NKD1: variants seen among roughly 807,000 people sequenced by gnomAD.
The protein encoded by NKD1 is NKD inhibitor of Wnt signaling pathway 1, also known as protein naked cuticle homolog 1.
Under a neutral mutation model 56.0 loss-of-function variants are expected in NKD1, and 21 were observed. That is an observed-to-expected ratio of 0.38 (90% CI 0.27 to 0.54). NKD1 has a LOEUF of 0.54. Among genes scored for constraint, NKD1 ranks in the 20% least tolerant of loss-of-function variants. NKD1 has a pLI of 0.82. For missense variants in NKD1, 578 were observed against 642.7 expected (o/e 0.90, Z 1.09); for synonymous variants, 263 against 265.7 (o/e 0.99, Z 0.10).
chr16:50,608,835 C>G (rs1249360234), intron 4 of NKD1, among the ~76,000 whole-genome samples: 1 of 152,168 alleles, frequency 6.6e-6, no homozygotes. Context: ...TGTTGTCCTT[C>G]TTCCTTTCTT....
In NKD1 at chr16:50,647,338, G is replaced by A. The variant is rs982508310; in HGVS notation, c.*13557G>A. 2 of 152,266 alleles carry A rather than the reference G, an allele frequency of 1.3e-5. No homozygotes were observed. Among genetic ancestry groups the A allele is most frequent in the African/African-American group, 2.4e-5 (1 of 41,464 alleles). The allele number at this position is 152,266 out of a possible 1,614,324, so 9.4% of individuals were successfully genotyped here. A position where few individuals can be genotyped will look rare whatever the true frequency, so the allele number is the denominator to read the frequency against. On this transcript the variant is annotated 3_prime_UTR_variant, in exon 10 of 10. Coordinates refer to ENST00000268459, the MANE Select transcript of NKD1 (RefSeq NM_033119.5). ...TCATGGTAGTGGCCATCTTGCTACA[G>A]CCTGAGGACCACAGAGCACACACAG...
chr16:50,571,047 A>G, intron 3 of NKD1: 10 of 965,616 alleles, frequency 1.0e-5, no homozygotes, highest in Non-Finnish European at 1.2e-5. Context: ...GCTGTGCTGG[A>G]CATCTCCTCC....
rs9926095 is a variant in NKD1, at chr16:50,645,404, A to T, written c.*11623A>T. The T allele has an allele frequency of 6.6e-6, 1 of 152,344 alleles. No homozygotes were observed. Among genetic ancestry groups the T allele is most frequent in the East Asian group, 1.9e-4 (1 of 5,184 alleles). The allele number at this position is 152,344 out of a possible 1,614,324, so 9.4% of individuals were successfully genotyped here. A position where few individuals can be genotyped will look rare whatever the true frequency, so the allele number is the denominator to read the frequency against. ...AGCCAGGTGGAAAGTTAGAGGGAGCAGCTGGTACAAGGGCCTCAAGGGTGG... is the reference window on the plus strand; with the variant it reads ...AGCCAGGTGGAAAGTTAGAGGGAGCTGCTGGTACAAGGGCCTCAAGGGTGG... On this transcript the variant is annotated 3_prime_UTR_variant, in exon 10 of 10. Transcript: ENST00000268459.
chr16:50,624,706 C>A (rs963257490), intron 5 of NKD1, among the ~76,000 whole-genome samples: 4 of 152,160 alleles, frequency 2.6e-5, no homozygotes, highest in Non-Finnish European at 5.9e-5. Flanking sequence ...CTCCTAGGAG[C>A]CATGTAGCAT....
chr16:50,605,825 T>C (rs1231878848), intron 3 of NKD1, among the ~76,000 whole-genome samples: 1 of 152,206 alleles, frequency 6.6e-6, no homozygotes, highest in Non-Finnish European at 1.5e-5. Flanking sequence ...GCCTGACACA[T>C]GGAAAATGCA....
At chr16:50,570,134 A>G (rs1960850348) in intron 3 of NKD1, among the ~76,000 whole-genome samples, 1 of 152,216 alleles carries the variant, frequency 6.6e-6, no homozygotes, top group South Asian at 2.1e-4. Flanking sequence ...AAATGTCGGT[A>G]TTTTGGATAT....
At chr16:50,615,547 T>G (rs1961941179) in intron 4 of NKD1, among the ~76,000 whole-genome samples, 1 of 151,918 alleles carries the variant, frequency 6.6e-6, no homozygotes, top group South Asian at 2.1e-4. Context: ...AGAGTGTTCT[T>G]GGCAGGGATA....
At chr16:50,615,489 G>A (rs1322615665) in intron 4 of NKD1, among the ~76,000 whole-genome samples, 1 of 152,202 alleles carries the variant, frequency 6.6e-6, no homozygotes, top group Non-Finnish European at 1.5e-5. Flanking sequence ...GAGGAAGGGA[G>A]GCTTAAACTG....
At chr16:50,621,768 C>A in intron 5 of NKD1, 60 bp downstream of exon 5, 1 of 1,299,766 alleles carries the variant, frequency 7.7e-7, no homozygotes. Flanking sequence ...CAGCTTGGGG[C>A]TTTGGGAGGA....
At chr16:50,549,047 C>T (rs1393810559) in intron 2 of NKD1, 2 of 269,060 alleles carry the variant, frequency 7.4e-6, no homozygotes, top group Non-Finnish European at 1.1e-5. Flanking sequence ...CCCGCAAGAC[C>T]CTGCCCCCTC....
intron 3 of NKD1, among the ~76,000 whole-genome samples, chr16:50,582,627 G>T (rs1447620422): frequency 6.6e-6 from 1 of 152,232 alleles, no homozygotes; most frequent in Non-Finnish European, 1.5e-5. Context: ...ATTATCTGTG[G>T]TTCTGCTGGG....
chr16:50,562,306 C>G, intron 3 of NKD1: 1 of 976,744 alleles, frequency 1.0e-6, no homozygotes, highest in Non-Finnish European at 1.2e-6. Context: ...GCCTGTGTCA[C>G]TGTGTATCTG....
At chr16:50,588,306 G>T (rs1417735415) in intron 3 of NKD1, among the ~76,000 whole-genome samples, 1 of 152,246 alleles carries the variant, frequency 6.6e-6, no homozygotes, top group Non-Finnish European at 1.5e-5. Context: ...TGCAAGTTTA[G>T]AATGACAGGT....
chr16:50,606,326 C>T (rs540548524), intron 3 of NKD1: 28 of 160,514 alleles, frequency 1.7e-4, no homozygotes, highest in Admixed American at 8.8e-4. Context: ...GGATTACAGG[C>T]GTGAGCCACT....
chr16:50,560,331 T>G lies in NKD1; in HGVS notation c.192+10776T>G, dbSNP rs935216176. ...GCCCACTGTGTGCATAGCCCCGTGC[T>G]GAGTCTGGGAGCTGCAGCCCGAGGA... is the stretch of plus-strand genomic sequence containing the variant. On this transcript the variant is annotated intron_variant, in intron 3 of 9. Transcript: ENST00000268459. 4.6e-5 allele frequency among the ~76,000 whole-genome samples: 7 copies of G among 152,204 alleles called. 1 individual carries two copies. Among genetic ancestry groups the G allele is most frequent in the African/African-American group, 1.7e-4 (7 of 41,452 alleles).
chr16:50,630,726 C>CCTGT, intron 7 of NKD1, 100 bp from the exon 8 acceptor site: 1 of 1,022,824 alleles, frequency 9.8e-7, no homozygotes, highest in East Asian at 2.6e-5. Context: ...GGAACCCTCC[C>CCTGT]ACAGTGGCCT....
At chr16:50,548,928 C>A in intron 2 of NKD1, 179 bp downstream of exon 2, 1 of 941,110 alleles carries the variant, frequency 1.1e-6, no homozygotes, top group Non-Finnish European at 1.3e-6. Flanking sequence ...GTCCCTCCTA[C>A]CCGCTCCCCG....
intron 3 of NKD1, among the ~76,000 whole-genome samples, chr16:50,549,917 G>A (rs185987591): frequency 6.6e-6 from 1 of 152,100 alleles, no homozygotes; most frequent in Admixed American, 6.5e-5. Context: ...TAGAGAGAAG[G>A]GGGTATTAGG....
intron 5 of NKD1, among the ~76,000 whole-genome samples, chr16:50,624,883 G>T (rs191689406): frequency 7.4e-4 from 113 of 152,328 alleles, no homozygotes; most frequent in Non-Finnish European, 1.3e-3. Context: ...CCCCACCACA[G>T]CTGCAGGGAA....
Sources: allele counts gnomAD v4.1 joint callset (sites outside exome capture counted in the v4.1 genomes callset), GRCh38; gene constraint gnomAD v4.1.1; transcripts MANE v1.5; gene names NCBI Gene and HGNC (gene_info 2026-07-23, HGNC 2026-07-21).